WDR76: variants seen among roughly 807,000 people sequenced by gnomAD.
The protein encoded by WDR76 is WD repeat domain 76, also known as WD repeat-containing protein 76.
A neutral mutation model predicts 70.2 loss-of-function variants in WDR76; 52 were observed. That is an observed-to-expected ratio of 0.74 (90% confidence interval 0.59 to 0.93). WDR76 has a LOEUF of 0.93. Ranked by LOEUF, WDR76 falls within the 40% of genes least tolerant of loss-of-function variation. The probability of loss-of-function intolerance (pLI) is 0.00; values close to 1 mark genes in which losing one functional copy is unlikely to be tolerated. For missense variants in WDR76, 756 were observed against 760.2 expected (o/e 0.99, Z 0.07); for synonymous variants, 292 against 271.1 (o/e 1.08, Z -0.76).
At chr15:43,854,307 C>T (rs1441172077) in intron 9 of WDR76, among the ~76,000 whole-genome samples, 1 of 152,212 alleles carries the variant, frequency 6.6e-6, no homozygotes, top group Non-Finnish European at 1.5e-5. Flanking sequence ...TGGTAGCTCA[C>T]ACCTGTAATC....
rs776985988 is a variant in WDR76 at position 43,856,981 on chromosome 15, C to G, written c.1227C>G (p.Phe409Leu). 1.2e-6 allele frequency: 2 copies of G among 1,614,034 alleles called. No individual in the cohort carries two copies. The highest frequency in any genetic ancestry group is 2.2e-5 in the South Asian group (2 of 91,066). ...YRNERSSFSS[F>L]DFLAEDASTL... ...ATGAAAGAAGTAGCTTTTCCTCCTT[C>G]GACTTCTTGGCAGAAGATGCCTCCA... Residue 409 changes from phenylalanine to leucine, a missense_variant, in exon 10 of 13, where the codon TTC (phenylalanine) becomes TTG (leucine). Physicochemically the swap from Phe to Leu is conservative, Grantham distance 22. Transcript: ENST00000263795.
intron 12 of WDR76, among the ~76,000 whole-genome samples, 176 bp from the exon 13 acceptor site, chr15:43,865,952 G>C (rs2088065104): frequency 6.6e-6 from 1 of 152,182 alleles, no homozygotes; most frequent in Admixed American, 6.5e-5. Context: ...TATCGTCTCT[G>C]TCCAGAGGTT....
In WDR76 at chr15:43,859,197, GCCCCAGAC is replaced by G. The variant is rs536444445; in HGVS notation, c.1562+376_1562+383del. On this transcript the variant is annotated intron_variant, in intron 11 of 12. Coordinates refer to ENST00000263795, the MANE Select transcript of WDR76 (RefSeq NM_024908.4). The stretch of plus-strand genomic sequence containing the variant: ...TGAAGTGCTGAATGGAAATTGCAGA[GCCCCAGAC>G]CATGGGCAGACAGAAAAGAGCAAAA... 4.7e-3 allele frequency among the ~76,000 whole-genome samples: 714 copies of G among 152,308 alleles called. 5 individuals are homozygous for G. The highest frequency in any genetic ancestry group is 0.017 in the African/African-American group (686 of 41,558).
chr15:43,828,503 C>A, intron 2 of WDR76, 137 bp downstream of exon 2: 1 of 777,718 alleles, frequency 1.3e-6, no homozygotes, highest in Non-Finnish European at 1.9e-6. Context: ...TGTAATAATA[C>A]ATTTTTATTA....
chr15:43,839,310 A>G (rs2087693787), intron 4 of WDR76, among the ~76,000 whole-genome samples: 3 of 152,148 alleles, frequency 2.0e-5, no homozygotes, highest in Admixed American at 1.3e-4. Flanking sequence ...TTTGCTTTTT[A>G]TAACCAAGGG....
In WDR76 at chr15:43,845,219, G is replaced by C. The variant is rs182362059; in HGVS notation, c.1032+1165G>C. On this transcript the variant is annotated intron_variant, in intron 8 of 12. Transcript: ENST00000263795. ...CTGCCTTGGCCTCCCAAAGTGCTGG[G>C]ATTACAGGCATGAGCCACGGCGCCC... Among the ~76,000 whole-genome samples, 791 of 149,866 alleles carry C rather than the reference G, an allele frequency of 5.3e-3. 54 individuals are homozygous for C. The highest frequency in any genetic ancestry group is 8.0e-3 in the Non-Finnish European group (532 of 66,852).
chr15:43,839,668 T>A lies in WDR76; in HGVS notation c.672T>A (p.Asp224Glu), dbSNP rs889962312. The A allele has an allele frequency of 2.5e-6, 4 of 1,612,606 alleles. No individual in the cohort carries two copies. In the Admixed American group the frequency reaches 6.7e-5, roughly 27 times the overall value. The change falls in exon 5 of 13, where the codon GAT (aspartate) becomes GAA (glutamate). Residue 224 changes from aspartate (D) to glutamate (E), a missense_variant. By Grantham distance (45) the Asp-to-Glu change is conservative. Coordinates refer to ENST00000263795, the MANE Select transcript of WDR76 (RefSeq NM_024908.4). ...CRRSMRLLKVDPSGVSLPAAP... is the reference protein window; with the variant it reads ...CRRSMRLLKVEPSGVSLPAAP... ...GGTCAATGCGATTACTAAAAGTTGA[T>A]CCTTCGGGAGTTTCATTACCAGCAG...
chr15:43,842,388 C>G (rs770232787), intron 5 of WDR76, 27 bp from the exon 6 acceptor site: 2 of 1,605,190 alleles, frequency 1.2e-6, no homozygotes, highest in African/African-American at 2.7e-5. Flanking sequence ...GGGAGCCCAA[C>G]AAATAACTTT....
chr15:43,827,316 C>T (rs189600107), intron 1 of WDR76, among the ~76,000 whole-genome samples: 4 of 152,300 alleles, frequency 2.6e-5, no homozygotes, highest in Non-Finnish European at 5.9e-5. Context: ...GCGTTTTCTT[C>T]TGCCACAGTT....
At chr15:43,830,896 A>G (rs2087579255) in intron 2 of WDR76, among the ~76,000 whole-genome samples, 1 of 152,018 alleles carries the variant, frequency 6.6e-6, no homozygotes, top group Admixed American at 6.6e-5. Flanking sequence ...AATATAACAA[A>G]TATTAGCCAG....
At chr15:43,839,514 G>A in intron 4 of WDR76, 91 bp from the exon 5 acceptor site, 1 of 1,275,232 alleles carries the variant, frequency 7.8e-7, no homozygotes, top group South Asian at 1.7e-5. Context: ...ATATATCTGT[G>A]GTATATATTC....
Position 43,828,044 on chromosome 15 carries a change from C to G in WDR76, c.140C>G (p.Ala47Gly). 1 of 1,614,154 alleles carries G rather than the reference C, an allele frequency of 6.2e-7. No individual in the cohort carries two copies. The change falls in exon 2 of 13, where the codon GCT (alanine) becomes GGT (glycine). Residue 47 changes from alanine to glycine, a missense_variant. Transcript: ENST00000263795. ...PAQTTVLIKT[A>G]KVYLAPFSLS... ...CAGACTACAGTTTTAATAAAAACAG[C>G]TAAGGTCTATCTTGCCCCCTTTTCA...
chr15:43,839,918 C>T (rs941574508), intron 5 of WDR76, among the ~76,000 whole-genome samples, 190 bp downstream of exon 5: 2 of 152,094 alleles, frequency 1.3e-5, no homozygotes, highest in Admixed American at 6.6e-5. Context: ...AGTGCAGTGG[C>T]ATGATCTTGC....
In WDR76 at chr15:43,844,016, G is replaced by C. The variant is rs1289414155; in HGVS notation, c.994G>C (p.Val332Leu). The C allele has an allele frequency of 1.2e-6, 2 of 1,613,600 alleles. No homozygotes were observed. The highest frequency in any genetic ancestry group is 2.7e-5 in the African/African-American group (2 of 74,910). Residue 332 changes from valine to leucine, a missense_variant, in exon 8 of 13, where the codon GTT becomes CTT. Coordinates refer to ENST00000263795, the MANE Select transcript of WDR76 (RefSeq NM_024908.4). ...HPSETRTLVA[V>L]GAKFGQVGLC... is the part of the protein sequence containing the mutation. ...ATCAGAAACTAGAACTTTGGTAGCA[G>C]TTGGGGCCAAATTTGGGCAAGTTGG...
intron 2 of WDR76, among the ~76,000 whole-genome samples, chr15:43,832,608 G>A (rs1209728373): frequency 1.3e-5 from 2 of 151,790 alleles, no homozygotes; most frequent in Non-Finnish European, 2.9e-5. Context: ...ACCATGCCTG[G>A]GTAATTTTTG....
chr15:43,839,412 A>G (rs2087695395), intron 4 of WDR76, among the ~76,000 whole-genome samples, 193 bp from the exon 5 acceptor site: 1 of 152,042 alleles, frequency 6.6e-6, no homozygotes, highest in Admixed American at 6.6e-5. Flanking sequence ...AACAGACCTC[A>G]CCTCTTTTTG....
intron 3 of WDR76, 72 bp downstream of exon 3, chr15:43,835,222 T>C (rs914556615): frequency 3.6e-6 from 5 of 1,401,968 alleles, no homozygotes; most frequent in African/African-American, 2.8e-5. Flanking sequence ...ATCCTGTCAC[T>C]TGGGGAGGCT....
chr15:43,834,512 A>G (rs868044036), intron 2 of WDR76, among the ~76,000 whole-genome samples: 2 of 148,244 alleles, frequency 1.3e-5, no homozygotes, highest in African/African-American at 2.5e-5. Context: ...GGATTTCACC[A>G]TGTTGGCCAG....
chr15:43,832,444 T>G (rs2087601319), intron 2 of WDR76, among the ~76,000 whole-genome samples: 1 of 150,384 alleles, frequency 6.6e-6, no homozygotes, highest in Admixed American at 6.6e-5. Context: ...TTTTTTTTTG[T>G]TTTTTTGTTT....
Sources: gnomAD v4.1 joint callset for allele counts (sites outside exome capture counted in the v4.1 genomes callset) on GRCh38, gnomAD v4.1.1 for gene constraint, MANE v1.5 for transcripts, NCBI Gene and HGNC (gene_info 2026-07-23, HGNC 2026-07-21) for gene names.